The following DAPK1 variants were observed in gnomAD, a reference collection of about 807,000 sequenced individuals.
The protein encoded by DAPK1 is death-associated protein kinase 1.
A neutral mutation model predicts 144.9 loss-of-function variants in DAPK1; 56 were observed. That is an observed-to-expected ratio of 0.39 (90% CI 0.31 to 0.48). DAPK1 has a LOEUF of 0.48. Among genes scored for constraint, DAPK1 ranks in the 20% least tolerant of loss-of-function variants. The pLI is 0.95. For synonymous variants in DAPK1, 690 were observed against 749.0 expected, an observed-to-expected ratio of 0.92 and a Z score of 1.29; for missense variants, 1,454 against 1,875.4, an observed-to-expected ratio of 0.78 and a Z score of 4.15.
chr9:87,657,845 A>G (rs1830682357), intron 17 of DAPK1, 184 bp from the exon 18 acceptor site: 2 of 599,078 alleles, frequency 3.3e-6, no homozygotes, highest in African/African-American at 1.9e-5. Flanking sequence ...TTAATTGCAA[A>G]GTACTTGGAA....
intron 2 of DAPK1, among the ~76,000 whole-genome samples, chr9:87,517,063 C>G (rs981949829): frequency 7.2e-5 from 11 of 152,156 alleles, no homozygotes; most frequent in Admixed American, 2.0e-4. Context: ...ACCAGTGCCT[C>G]TCATTAGCCA....
chr9:87,680,894 C>T (rs1346146350), intron 19 of DAPK1, among the ~76,000 whole-genome samples: 1 of 152,162 alleles, frequency 6.6e-6, no homozygotes, highest in Non-Finnish European at 1.5e-5. Flanking sequence ...ACTGAAAATA[C>T]ACTAAAAGCC....
At chr9:87,564,935 A>G (rs567327305) in intron 2 of DAPK1, among the ~76,000 whole-genome samples, 1 of 152,272 alleles carries the variant, frequency 6.6e-6, no homozygotes, top group African/African-American at 2.4e-5. Flanking sequence ...GGATTTCTGA[A>G]GAGGAAGAGC....
At chr9:87,534,105 G>T (rs969024724) in intron 2 of DAPK1, among the ~76,000 whole-genome samples, 1 of 63,902 alleles carries the variant, frequency 1.6e-5, no homozygotes. Flanking sequence ...AATTTCTTGC[G>T]ATTTTTTTTT....
intron 21 of DAPK1, among the ~76,000 whole-genome samples, chr9:87,693,071 TA>T (rs1211768674): frequency 1.3e-5 from 2 of 149,542 alleles, no homozygotes; most frequent in Admixed American, 6.7e-5. Flanking sequence ...TTTTCGATTG[TA>T]TCTGTTTGGA....
At chr9:87,591,472 A>G (rs184885891) in intron 2 of DAPK1, among the ~76,000 whole-genome samples, 2 of 152,362 alleles carry the variant, frequency 1.3e-5, no homozygotes, top group Admixed American at 1.3e-4. Context: ...GGTAGTCAGC[A>G]TATAAATTTA....
At chr9:87,642,180 C>A in intron 10 of DAPK1, 122 bp downstream of exon 10, 1 of 753,312 alleles carries the variant, frequency 1.3e-6, no homozygotes, top group Non-Finnish European at 2.2e-6. Flanking sequence ...TCTTTTTAAT[C>A]CACCCTGTAG....
chr9:87,696,329 A>G (rs2118017350), intron 21 of DAPK1, among the ~76,000 whole-genome samples: 1 of 152,246 alleles, frequency 6.6e-6, no homozygotes, highest in Non-Finnish European at 1.5e-5. Context: ...AGAGTTAAGC[A>G]GGTGCAGACA....
chr9:87,572,632 T>C (rs1470241844), intron 2 of DAPK1, among the ~76,000 whole-genome samples: 1 of 152,100 alleles, frequency 6.6e-6, no homozygotes, highest in Non-Finnish European at 1.5e-5. Flanking sequence ...TCACCTTGCT[T>C]GTGCTCTCCC....
intron 3 of DAPK1, among the ~76,000 whole-genome samples, chr9:87,606,749 C>T (rs1466631646): frequency 1.7e-5 from 2 of 115,690 alleles, no homozygotes. Flanking sequence ...CTCCTTCCTT[C>T]CTTCTTTCCT....
chr9:87,673,421 A>G (rs995054484), intron 19 of DAPK1, among the ~76,000 whole-genome samples: 10 of 152,200 alleles, frequency 6.6e-5, no homozygotes, highest in African/African-American at 2.2e-4. Context: ...TCTTTAAACT[A>G]TATTTGCTAG....
At chr9:87,644,235 C>A (rs1412939438) in intron 11 of DAPK1, among the ~76,000 whole-genome samples, 2 of 152,080 alleles carry the variant, frequency 1.3e-5, no homozygotes, top group African/African-American at 2.4e-5. Flanking sequence ...CAAACTGAAA[C>A]CTAATCACAG....
intron 2 of DAPK1, among the ~76,000 whole-genome samples, chr9:87,525,766 G>A (rs1159691686): frequency 6.6e-6 from 1 of 152,088 alleles, no homozygotes; most frequent in Non-Finnish European, 1.5e-5. Context: ...CCAGCATGGG[G>A]CAGGTGCTGA....
chr9:87,560,823 G>A (rs756437399), intron 2 of DAPK1, among the ~76,000 whole-genome samples: 1 of 151,756 alleles, frequency 6.6e-6, no homozygotes, highest in Admixed American at 6.6e-5. Context: ...CCACCACCAC[G>A]CCCGGCTAAC....
intron 8 of DAPK1, 107 bp from the exon 9 acceptor site, chr9:87,640,695 C>A: frequency 7.9e-7 from 1 of 1,263,196 alleles, no homozygotes. Flanking sequence ...CTTCCCTGAA[C>A]TGCATTTTCC....
At chr9:87,620,163 G>A (rs1053227896) in intron 3 of DAPK1, among the ~76,000 whole-genome samples, 3 of 152,154 alleles carry the variant, frequency 2.0e-5, no homozygotes, top group Admixed American at 6.5e-5. Flanking sequence ...GGGCGGTGGA[G>A]ACCCTCTGCT....
intron 3 of DAPK1, among the ~76,000 whole-genome samples, chr9:87,623,852 CA>C (rs1390778921): frequency 6.6e-6 from 1 of 152,090 alleles, no homozygotes; most frequent in Admixed American, 6.5e-5. Context: ...GCCTGAGGAG[CA>C]AAACCCCTCA....
chr9:87,592,525 A>G (rs1161333077), intron 2 of DAPK1, among the ~76,000 whole-genome samples: 1 of 152,128 alleles, frequency 6.6e-6, no homozygotes, highest in African/African-American at 2.4e-5. Flanking sequence ...CACAAATTGT[A>G]TTTTATTTTG....
intron 19 of DAPK1, among the ~76,000 whole-genome samples, chr9:87,679,547 G>A (rs1230050813): frequency 6.6e-6 from 1 of 152,072 alleles, no homozygotes; most frequent in Non-Finnish European, 1.5e-5. Context: ...TGAACGCCTT[G>A]CCTACACTAT....
Sources: allele counts gnomAD v4.1 joint callset (sites outside exome capture counted in the v4.1 genomes callset), GRCh38; gene constraint gnomAD v4.1.1; transcripts MANE v1.5; gene names NCBI Gene and HGNC (gene_info 2026-07-23, HGNC 2026-07-21).